LIMK2: variants seen among roughly 807,000 people sequenced by gnomAD.
The protein encoded by LIMK2 is LIM domain kinase 2.
LIMK2 carries 35 observed loss-of-function variants against 75.7 expected under a neutral mutation model. That is an observed-to-expected ratio of 0.46 (90% CI 0.35 to 0.61). The LOEUF (loss-of-function observed/expected upper bound fraction) is 0.61. Among genes scored for constraint, LIMK2 ranks in the 20% least tolerant of loss-of-function variants. The pLI is 0.00. For missense variants in LIMK2, 623 were observed against 831.0 expected (o/e 0.75, Z 3.08); for synonymous variants, 301 against 319.2 (o/e 0.94, Z 0.61).
chr22:31,256,075 C>T (rs1482207259), intron 2 of LIMK2, among the ~76,000 whole-genome samples: 2 of 133,864 alleles, frequency 1.5e-5, no homozygotes, highest in Non-Finnish European at 3.1e-5. Context: ...TTTGGGTCAC[C>T]ACAACCTCCG....
chr22:31,249,312 C>G (rs1385668676), intron 2 of LIMK2, among the ~76,000 whole-genome samples: 5 of 152,164 alleles, frequency 3.3e-5, no homozygotes, highest in African/African-American at 1.2e-4. Context: ...TCTGAGCTCC[C>G]AGGTGAATGT....
At chr22:31,268,350 C>T (rs531807489) in intron 11 of LIMK2, 150 bp downstream of exon 11, 304 of 722,908 alleles carry the variant, frequency 4.2e-4, no homozygotes, top group Non-Finnish European at 7.1e-4. Context: ...GTCACTGAAA[C>T]TGACCCCAGC....
chr22:31,262,853 G>A lies in LIMK2; in HGVS notation c.854+62G>A. On this transcript the variant is annotated intron_variant, in intron 7 of 15. Coordinates refer to ENST00000331728, the MANE Select transcript of LIMK2 (RefSeq NM_005569.4). This position sits in a 1 kb window ranked among gnomAD's most constrained non-coding sequence, Gnocchi z 5.0. ...TCTGTCTCTCGGATGAAGCTGAGCTGGCTTTCAGAAGCCTGCAGAGTTAGG... is the reference window on the plus strand; with the variant it reads ...TCTGTCTCTCGGATGAAGCTGAGCTAGCTTTCAGAAGCCTGCAGAGTTAGG... 1 of 1,401,564 alleles carries A rather than the reference G, an allele frequency of 7.1e-7. No individual in the cohort carries two copies. The highest frequency in any genetic ancestry group is 1.5e-5 in the South Asian group (1 of 68,584). The allele number at this position is 1,401,564 out of a possible 1,614,324, so 86.8% of individuals were successfully genotyped here.
In LIMK2 at chr22:31,277,325, T is replaced by C. The variant is rs1232680544; in HGVS notation, c.1773-972T>C. The C allele has an allele frequency of 2.1e-6, 3 of 1,434,528 alleles. No homozygotes were observed. The African/African-American group carries it at 4.3e-5, about 21-fold the overall frequency. 88.9% of individuals were successfully genotyped at this position (1,434,528 alleles called of 1,614,324 possible). ...TTTCCACTTTTGGATTTTTTTATTGTTATTAAACTGATGGGACTTTGTGTT... is the reference window on the plus strand; with the variant it reads ...TTTCCACTTTTGGATTTTTTTATTGCTATTAAACTGATGGGACTTTGTGTT... On this transcript the variant is annotated intron_variant, in intron 15 of 15. Coordinates refer to ENST00000331728, the MANE Select transcript of LIMK2 (RefSeq NM_005569.4).
chr22:31,257,040 A>ATTGTTT (rs2048789841), intron 2 of LIMK2, among the ~76,000 whole-genome samples: 1 of 75,054 alleles, frequency 1.3e-5, no homozygotes, highest in Non-Finnish European at 3.0e-5. Flanking sequence ...GGAGCTATAG[A>ATTGTTT]TTTTTTTTTT....
chr22:31,237,550 G>A (rs1478277998), intron 2 of LIMK2, among the ~76,000 whole-genome samples: 3 of 146,930 alleles, frequency 2.0e-5, no homozygotes, highest in Non-Finnish European at 3.0e-5. Flanking sequence ...GTGAGATTCC[G>A]TCTCAAAAAA....
At chr22:31,244,792 G>GT (rs1330709188) in intron 2 of LIMK2, among the ~76,000 whole-genome samples, 1 of 152,186 alleles carries the variant, frequency 6.6e-6, no homozygotes, top group Non-Finnish European at 1.5e-5. Flanking sequence ...CAGACTTTGT[G>GT]CCAAGGGCTT....
In LIMK2 at chr22:31,246,761, A is replaced by G. The variant is rs1383827260; in HGVS notation, c.117-11530A>G. Among the ~76,000 whole-genome samples the G allele has an allele frequency of 6.0e-5, 9 of 150,702 alleles. No homozygotes were observed. In the South Asian group the frequency reaches 1.9e-3, roughly 31 times the overall value. The stretch of plus-strand genomic sequence containing the variant: ...GTGACAGAGAGAGACCCTGACTCAA[A>G]AAAAAAAAAACAAAAAAAAAAAACA... On this transcript the variant is annotated intron_variant, in intron 2 of 15. Transcript: ENST00000331728.
chr22:31,221,577 C>T lies in LIMK2; in HGVS notation c.17-4143C>T, dbSNP rs530378827. Among the ~76,000 whole-genome samples, 5 of 152,192 alleles carry T rather than the reference C, an allele frequency of 3.3e-5. No homozygotes were observed. The South Asian group carries it at 8.3e-4, about 25-fold the overall frequency. Reference sequence around the variant, plus strand: ...TTGGCTCACTGCAACCTCCGCCTACCAGGTTCAAGCAATTCTCTTGCCTCA... The same window carrying T: ...TTGGCTCACTGCAACCTCCGCCTACTAGGTTCAAGCAATTCTCTTGCCTCA... On this transcript the variant is annotated intron_variant, in intron 1 of 15. Transcript: ENST00000331728.
chr22:31,271,999 C>T (rs913151340), intron 12 of LIMK2, among the ~76,000 whole-genome samples: 2 of 152,222 alleles, frequency 1.3e-5, no homozygotes, highest in Non-Finnish European at 2.9e-5. Context: ...GGCTGGGAGT[C>T]TGCTGTGCAC....
Position 31,273,462 on chromosome 22 carries a change from T to C in LIMK2, c.1569T>C (p.Tyr523=). The part of the protein sequence containing the change: ...MAPEMLNGKS[Y]DETVDIFSFG... ...CCTGTGTTCCCCAAGGAAAGAGCTATGATGAGACGGTGGATATCTTCTCCT... is the reference window on the plus strand; with the variant it reads ...CCTGTGTTCCCCAAGGAAAGAGCTACGATGAGACGGTGGATATCTTCTCCT... Residue 523 remains tyrosine, a synonymous_variant, in exon 14 of 16, where the codon TAT becomes TAC. Transcript: ENST00000331728. The C allele has an allele frequency of 6.2e-7, 1 of 1,613,780 alleles. No individual in the cohort carries two copies. The highest frequency in any genetic ancestry group is 2.2e-5 in the East Asian group (1 of 44,864).
At chr22:31,274,945 C>G (rs1462431533) in intron 14 of LIMK2, among the ~76,000 whole-genome samples, 1 of 152,084 alleles carries the variant, frequency 6.6e-6, no homozygotes, top group African/African-American at 2.4e-5. Flanking sequence ...CCTTCTTAGT[C>G]CTCTTCAGTA....
intron 11 of LIMK2, among the ~76,000 whole-genome samples, chr22:31,270,185 A>G (rs2048941524): frequency 6.6e-6 from 1 of 152,090 alleles, no homozygotes; most frequent in Non-Finnish European, 1.5e-5. Context: ...ATCTGCAGAG[A>G]AGGGGCAGCT....
chr22:31,248,570 T>C, intron 2 of LIMK2: 2 of 1,603,966 alleles, frequency 1.2e-6, no homozygotes, highest in South Asian at 1.1e-5. Context: ...CCGCAGCTGC[T>C]CCGGAGGGAG....
chr22:31,212,881 G>T (rs1451962596), intron 1 of LIMK2, among the ~76,000 whole-genome samples: 1 of 152,168 alleles, frequency 6.6e-6, no homozygotes, highest in South Asian at 2.1e-4. Context: ...GTTACCCCGG[G>T]TTCTGGGTTT....
intron 2 of LIMK2, among the ~76,000 whole-genome samples, chr22:31,246,179 G>GCGCACACACACACACACACACACA (rs1555886265): frequency 1.7e-4 from 12 of 69,772 alleles, no homozygotes; most frequent in Non-Finnish European, 3.1e-4. Flanking sequence ...ACACACGCAC[G>GCGCACACACACACACACACACACA]CACGCACACA....
chr22:31,216,115 T>C (rs972309472), intron 1 of LIMK2, among the ~76,000 whole-genome samples: 1 of 152,032 alleles, frequency 6.6e-6, no homozygotes, highest in Admixed American at 6.6e-5. Flanking sequence ...ATAGAAGAAG[T>C]GAGTTGTCAG....
Position 31,260,084 on chromosome 22 carries a change from A to G in LIMK2, c.551+7A>G. The stretch of plus-strand genomic sequence containing the variant: ...CCACTGTGCAAGTGAAAGAGTAAGT[A>G]TTTTGAGAACCCTTCAGCAGGGGTT... On this transcript the variant is annotated splice_region_variant and intron_variant, in intron 5 of 15. Coordinates refer to ENST00000331728, the MANE Select transcript of LIMK2 (RefSeq NM_005569.4). 1 of 1,560,850 alleles carries G rather than the reference A, an allele frequency of 6.4e-7. No individual in the cohort carries two copies. The highest frequency in any genetic ancestry group is 8.7e-7 in the Non-Finnish European group (1 of 1,155,954).
At chr22:31,249,405 C>T (rs550861528) in intron 2 of LIMK2, among the ~76,000 whole-genome samples, 1 of 152,262 alleles carries the variant, frequency 6.6e-6, no homozygotes, top group African/African-American at 2.4e-5. Context: ...TGGGCCAGCC[C>T]CCACACCTCC....
Sources: allele counts gnomAD v4.1 joint callset (sites outside exome capture counted in the v4.1 genomes callset), GRCh38; gene constraint gnomAD v4.1.1; non-coding constraint Gnocchi (gnomAD v3.1); transcripts MANE v1.5; gene names NCBI Gene and HGNC (gene_info 2026-07-23, HGNC 2026-07-21).